Variants in YAP1 observed in about 807,000 individuals in gnomAD.
YAP1 encodes the protein Yes1 associated transcriptional regulator, also known as transcriptional coactivator YAP1.
In YAP1, 5 loss-of-function variants were observed where a neutral mutation model predicts 56.9. The observed-to-expected ratio is 0.09, with a 90% CI of 0.05 to 0.18. The LOEUF (loss-of-function observed/expected upper bound fraction) is 0.18, where lower values mean the gene tolerates loss of function less well. YAP1 is among the 10% of genes least tolerant of loss of function. The pLI is 1.00. For synonymous variants in YAP1, 265 were observed against 248.1 expected, an observed-to-expected ratio of 1.07 and a Z score of -0.64; for missense variants, 539 against 651.8, an observed-to-expected ratio of 0.83 and a Z score of 1.88.
At chr11:102,211,040 C>G (rs1175936354) in intron 6 of YAP1, among the ~76,000 whole-genome samples, 3 of 152,156 alleles carry the variant, frequency 2.0e-5, no homozygotes, top group Non-Finnish European at 2.9e-5. Flanking sequence ...CAGGCGTGAG[C>G]CACCACGTCT....
chr11:102,140,191 T>TAAA (rs10692005), intron 2 of YAP1, among the ~76,000 whole-genome samples: 11,965 of 149,394 alleles, frequency 0.08, 737 homozygotes, highest in African/African-American at 0.16. Flanking sequence ...TCTGTCCCTG[T>TAAA]AAAAAAAAAA....
chr11:102,114,172 C>T lies in YAP1; in HGVS notation c.350C>T (p.Ala117Val), dbSNP rs1226365117. 6.2e-7 allele frequency: 1 copy of T among 1,613,966 alleles called. No individual in the cohort carries two copies. The highest frequency in any genetic ancestry group is 1.7e-5 in the Admixed American group (1 of 60,008). Residue 117 changes from alanine (A) to valine (V), a missense_variant, in exon 2 of 9, where the codon GCC becomes GTC. Physicochemically the swap from Ala to Val is moderately conservative, Grantham distance 64. Coordinates refer to ENST00000282441, the MANE Select transcript of YAP1 (RefSeq NM_001130145.3). ...AGTACTGATGCAGGCACTGCAGGAG[C>T]CCTGACTCCACAGCATGTTCGAGCT... Reference protein sequence around the residue: ...QASTDAGTAGALTPQHVRAHS... With the variant: ...QASTDAGTAGVLTPQHVRAHS...
At chr11:102,190,754 A>G (rs1948231227) in intron 4 of YAP1, among the ~76,000 whole-genome samples, 1 of 152,214 alleles carries the variant, frequency 6.6e-6, no homozygotes, top group Non-Finnish European at 1.5e-5. Flanking sequence ...CCTGGCCAAC[A>G]TGGTCAAACC....
chr11:102,180,092 C>T (rs1273431299), intron 3 of YAP1, among the ~76,000 whole-genome samples: 1 of 150,256 alleles, frequency 6.7e-6, no homozygotes, highest in African/African-American at 2.5e-5. Flanking sequence ...TCACTGCAAC[C>T]TCCAACTCCC....
In YAP1 at chr11:102,183,702, CTG is replaced by C. The variant is rs140546191; in HGVS notation, c.689-2280_689-2279del. On this transcript the variant is annotated intron_variant, in intron 3 of 8. Coordinates refer to ENST00000282441, the MANE Select transcript of YAP1 (RefSeq NM_001130145.3). ...GCTAAGGTGGGGAATAATGCTGTTT[CTG>C]TGTGTGTGTGTGTGTGTGTGTGTGT... 9.2e-3 allele frequency among the ~76,000 whole-genome samples: 1,307 copies of C among 141,636 alleles called. 14 individuals are homozygous for C. The highest frequency in any genetic ancestry group is 0.025 in the African/African-American group (928 of 37,680). The allele number at this position is 141,636 out of a possible 152,430, so 92.9% of individuals were successfully genotyped here. A position where few individuals can be genotyped will look rare whatever the true frequency, so the allele number is the denominator to read the frequency against.
At chr11:102,190,172 T>C (rs1948197918) in intron 4 of YAP1, among the ~76,000 whole-genome samples, 1 of 152,184 alleles carries the variant, frequency 6.6e-6, no homozygotes, top group Non-Finnish European at 1.5e-5. Context: ...TTTTTTGTTC[T>C]GTTTTGTTTT....
intron 6 of YAP1, among the ~76,000 whole-genome samples, chr11:102,221,456 G>T (rs1320349993): frequency 6.6e-6 from 1 of 152,132 alleles, no homozygotes; most frequent in Admixed American, 6.5e-5. Context: ...GGGTGCAGTG[G>T]CCTATGCTTG....
Position 102,110,841 on chromosome 11 carries a change from C to A in YAP1, c.-8C>A. On this transcript the variant is annotated 5_prime_UTR_variant, in exon 1 of 9. Transcript: ENST00000282441. ...GTCAGGGGGTGCGCGTCGGGGGAGG[C>A]AGAAGCCATGGATCCCGGGCAGCAG... 2 of 1,399,902 alleles carry A rather than the reference C, an allele frequency of 1.4e-6. No homozygotes were observed. The highest frequency in any genetic ancestry group is 1.5e-5 in the South Asian group (1 of 67,466). 86.7% of individuals were successfully genotyped at this position (1,399,902 alleles called of 1,614,324 possible). A position where few individuals can be genotyped will look rare whatever the true frequency, so the allele number is the denominator to read the frequency against.
chr11:102,115,783 C>T (rs989160601), intron 2 of YAP1, among the ~76,000 whole-genome samples: 2 of 152,112 alleles, frequency 1.3e-5, no homozygotes, highest in African/African-American at 4.8e-5. Flanking sequence ...GAGCTGCTAG[C>T]TGTGAAGGAT....
chr11:102,206,067 T>A lies in YAP1; in HGVS notation c.977T>A (p.Leu326His). 1 of 1,613,202 alleles carries A rather than the reference T, an allele frequency of 6.2e-7. No homozygotes were observed. Among genetic ancestry groups the A allele is most frequent in the Non-Finnish European group, 8.5e-7 (1 of 1,179,348 alleles). ...CTGCGGCTGAAACAGCAAGAACTGCTTCGGCAGGTGAGGCCACAGGTTAGA... is the reference window on the plus strand; with the variant it reads ...CTGCGGCTGAAACAGCAAGAACTGCATCGGCAGGTGAGGCCACAGGTTAGA... ...ERLRLKQQELLRQAMRNINPS... is the reference protein window; with the variant it reads ...ERLRLKQQELHRQAMRNINPS... Residue 326 changes from leucine (L) to histidine (H), a missense_variant, in exon 5 of 9, where the codon CTT becomes CAT. This residue lies in a region of YAP1 where 414 missense variants were observed against 512.4 expected (regional missense o/e 0.81). Coordinates refer to ENST00000282441, the MANE Select transcript of YAP1 (RefSeq NM_001130145.3).
chr11:102,130,720 CTTTTTTTT>C (rs61175592), intron 2 of YAP1, among the ~76,000 whole-genome samples: 5 of 98,114 alleles, frequency 5.1e-5, no homozygotes, highest in South Asian at 4.4e-4. Context: ...GATAACTACT[CTTTTTTTT>C]TTTTTTTTTT....
chr11:102,116,962 A>C (rs1353079375), intron 2 of YAP1, among the ~76,000 whole-genome samples: 1 of 152,192 alleles, frequency 6.6e-6, no homozygotes, highest in Non-Finnish European at 1.5e-5. Flanking sequence ...AAAATTTTGT[A>C]TTTTAAAGAG....
intron 2 of YAP1, among the ~76,000 whole-genome samples, chr11:102,132,732 T>C (rs958162517): frequency 2.0e-5 from 3 of 152,246 alleles, no homozygotes; most frequent in South Asian, 2.1e-4. Context: ...AATAAATTTA[T>C]TAGAATTGTG....
At chr11:102,141,613 A>C (rs1945029383) in intron 2 of YAP1, among the ~76,000 whole-genome samples, 1 of 152,236 alleles carries the variant, frequency 6.6e-6, no homozygotes. Context: ...ATGGATAAGA[A>C]TAGACAGAAT....
Position 102,227,545 on chromosome 11 carries a change from G to C in YAP1, c.1240G>C (p.Asp414His), listed in dbSNP as rs1281435943. ...CAGCTACAGTGTCCCTCGAACCCCA[G>C]ATGACTTCCTGAACAGTGTGGATGA... Reference protein sequence around the residue: ...MSSYSVPRTPDDFLNSVDEMD... With the variant: ...MSSYSVPRTPHDFLNSVDEMD... Residue 414 changes from aspartate (D) to histidine (H), a missense_variant, in exon 8 of 9, where the codon GAT (aspartate) becomes CAT (histidine). Coordinates refer to ENST00000282441, the MANE Select transcript of YAP1 (RefSeq NM_001130145.3). The C allele has an allele frequency of 6.2e-7, 1 of 1,613,954 alleles. No homozygotes were observed. The highest frequency in any genetic ancestry group is 1.7e-5 in the Admixed American group (1 of 60,006).
At chr11:102,144,529 C>T (rs902941141) in intron 2 of YAP1, among the ~76,000 whole-genome samples, 2 of 152,240 alleles carry the variant, frequency 1.3e-5, no homozygotes, top group East Asian at 3.9e-4. Flanking sequence ...CCTAGTATTT[C>T]AAATGAGAGC....
At chr11:102,199,628 A>G (rs1392045026) in intron 4 of YAP1, among the ~76,000 whole-genome samples, 1 of 152,174 alleles carries the variant, frequency 6.6e-6, no homozygotes. Flanking sequence ...TCCAGACAAA[A>G]TATTAAAACA....
At chr11:102,211,334 A>C (rs1029677747) in intron 6 of YAP1, among the ~76,000 whole-genome samples, 14 of 152,228 alleles carry the variant, frequency 9.2e-5, no homozygotes, top group Non-Finnish European at 1.5e-5. Flanking sequence ...GTAAAGTTTT[A>C]GAAAAGGTGA....
intron 2 of YAP1, among the ~76,000 whole-genome samples, chr11:102,123,556 T>C (rs1279126160): frequency 1.3e-5 from 2 of 152,312 alleles, no homozygotes; most frequent in East Asian, 3.9e-4. Flanking sequence ...TCTGTTAACA[T>C]TTAGTGGGCA....
Sources: allele counts gnomAD v4.1 joint callset (sites outside exome capture counted in the v4.1 genomes callset), GRCh38; gene constraint gnomAD v4.1.1; regional missense constraint gnomAD v4.1.1; transcripts MANE v1.5; gene names NCBI Gene and HGNC (gene_info 2026-07-23, HGNC 2026-07-21).